ABHD6: variants seen among roughly 807,000 people sequenced by gnomAD.
The protein encoded by ABHD6 is monoacylglycerol lipase ABHD6.
In ABHD6, 33 loss-of-function variants were observed where a neutral mutation model predicts 38.8. The observed-to-expected ratio is 0.85, with a 90% CI of 0.64 to 1.14. The LOEUF (loss-of-function observed/expected upper bound fraction) is 1.14, where lower values mean the gene tolerates loss of function less well. Ranked by LOEUF, ABHD6 falls within the 50% of genes most tolerant of loss-of-function variation. The probability of loss-of-function intolerance (pLI) is 0.00; values close to 1 mark genes in which losing one functional copy is unlikely to be tolerated. For missense variants in ABHD6, 380 were observed against 422.6 expected, an observed-to-expected ratio of 0.90 and a Z score of 0.88; for synonymous variants, 147 against 161.6, an observed-to-expected ratio of 0.91 and a Z score of 0.69.
At chr3:58,286,177 G>A (rs1378379675) in intron 9 of ABHD6, among the ~76,000 whole-genome samples, 1 of 152,048 alleles carries the variant, frequency 6.6e-6, no homozygotes, top group African/African-American at 2.4e-5. Flanking sequence ...CCGCCACCAT[G>A]CCCAGCTAAT....
chr3:58,244,100 G>C (rs1290999231), intron 1 of ABHD6, among the ~76,000 whole-genome samples: 1 of 152,160 alleles, frequency 6.6e-6, no homozygotes, highest in Non-Finnish European at 1.5e-5. Flanking sequence ...TTGGCTCTGC[G>C]TCTCTGCCTG....
At position 58,279,167 on chromosome 3, in the gene ABHD6, T is replaced by C. The variant is rs2097451030; in HGVS notation, c.681+4352T>C. 5.9e-5 allele frequency among the ~76,000 whole-genome samples: 9 copies of C among 152,338 alleles called. No homozygotes were observed. In the South Asian group the frequency reaches 1.9e-3, roughly 32 times the overall value. The stretch of plus-strand genomic sequence containing the variant: ...GTCCTGGATATCCTTGTTAACCTTC[T>C]GTCTCATTGATCTGTCTAGTATTGA... On this transcript the variant is annotated intron_variant, in intron 7 of 9. Coordinates refer to ENST00000478253, the MANE Select transcript of ABHD6 (RefSeq NM_001320126.2).
chr3:58,256,819 G>C lies in ABHD6; in HGVS notation c.119+114G>C, dbSNP rs959135826. 3 of 893,634 alleles carry C rather than the reference G, an allele frequency of 3.4e-6. No homozygotes were observed. The highest frequency in any genetic ancestry group is 3.2e-5 in the South Asian group (2 of 63,084). 55.4% of individuals were successfully genotyped at this position (893,634 alleles called of 1,614,324 possible). On this transcript the variant is annotated intron_variant, in intron 3 of 9. Coordinates refer to ENST00000478253, the MANE Select transcript of ABHD6 (RefSeq NM_001320126.2). This position sits in a 1 kb window ranked among gnomAD's most constrained non-coding sequence, Gnocchi z 4.3. ...TTTATCAGGAAGTATTTCAGACAGA[G>C]AGAAAAGTTGAAAGGTACTCATCCT...
Position 58,257,741 on chromosome 3 carries a change from C to T in ABHD6, c.119+1036C>T, listed in dbSNP as rs116446686. Among the ~76,000 whole-genome samples, 1 of 152,050 alleles carries T rather than the reference C, an allele frequency of 6.6e-6. No individual in the cohort carries two copies. Among genetic ancestry groups the T allele is most frequent in the Non-Finnish European group, 1.5e-5 (1 of 68,016 alleles). ...GAAAAATGAACAAGAAAGACCAGAA[C>T]CATTGAGATGGCATGTTTAGGACAG... is the stretch of plus-strand genomic sequence containing the variant. On this transcript the variant is annotated intron_variant, in intron 3 of 9. Transcript: ENST00000478253. This position sits in a 1 kb window ranked among gnomAD's most constrained non-coding sequence, Gnocchi z 4.8.
In ABHD6 at chr3:58,287,694, C is replaced by G. The variant is rs2097458532; in HGVS notation, c.837+2241C>G. Among the ~76,000 whole-genome samples the G allele has an allele frequency of 6.6e-6, 1 of 152,200 alleles. No individual in the cohort carries two copies. ...AAAACCCCAAAGGTGATTTGGGGCTCTCAGGAGCCAACAGGGAGAGGCTGT... is the reference window on the plus strand; with the variant it reads ...AAAACCCCAAAGGTGATTTGGGGCTGTCAGGAGCCAACAGGGAGAGGCTGT... On this transcript the variant is annotated intron_variant, in intron 9 of 9. Transcript: ENST00000478253. This position sits in a 1 kb window ranked among gnomAD's most constrained non-coding sequence, Gnocchi z 4.7.
rs983711143 is a variant in ABHD6, at chr3:58,259,596, G to A, written c.119+2891G>A. Among the ~76,000 whole-genome samples the A allele has an allele frequency of 2.6e-5, 4 of 152,122 alleles. No homozygotes were observed. Among genetic ancestry groups the A allele is most frequent in the Non-Finnish European group, 5.9e-5 (4 of 68,024 alleles). ...CCTGGGAGGCTGAGGCAGAAGAATC[G>A]CTTGAACCCAGGAAGCGGAGGTTGC... On this transcript the variant is annotated intron_variant, in intron 3 of 9. Transcript: ENST00000478253. The surrounding 1 kb of genome is among the most constrained non-coding windows in gnomAD (Gnocchi z 4.7).
At position 58,279,688 on chromosome 3, in the gene ABHD6, T is replaced by C. The variant is rs146940555; in HGVS notation, c.681+4873T>C. Among the ~76,000 whole-genome samples the C allele has an allele frequency of 4.5e-4, 68 of 152,342 alleles. No homozygotes were observed. In the East Asian group the frequency reaches 0.013, roughly 28 times the overall value. On this transcript the variant is annotated intron_variant, in intron 7 of 9. Coordinates refer to ENST00000478253, the MANE Select transcript of ABHD6 (RefSeq NM_001320126.2). ...TGATGCAGTTTCTTCATAGTGTCAATGATCTTTACAATTTGGCATGTTTTT... is the reference window on the plus strand; with the variant it reads ...TGATGCAGTTTCTTCATAGTGTCAACGATCTTTACAATTTGGCATGTTTTT...
At chr3:58,282,568 C>CA (rs1306504891) in intron 7 of ABHD6, among the ~76,000 whole-genome samples, 19 of 151,570 alleles carry the variant, frequency 1.3e-4, no homozygotes, top group Middle Eastern at 3.4e-3. Flanking sequence ...CCCATCTCTA[C>CA]AAAAAAAAAT....
At chr3:58,268,804 G>C (rs2097442777) in intron 4 of ABHD6, among the ~76,000 whole-genome samples, 1 of 152,176 alleles carries the variant, frequency 6.6e-6, no homozygotes, top group African/African-American at 2.4e-5. Flanking sequence ...AGGTGTTTTA[G>C]GATAATAATA....
chr3:58,273,613 C>T lies in ABHD6; in HGVS notation c.524-1045C>T, dbSNP rs1249167004. On this transcript the variant is annotated intron_variant, in intron 6 of 9. Transcript: ENST00000478253. The surrounding 1 kb of genome is among the most constrained non-coding windows in gnomAD (Gnocchi z 4.8). ...AGCTGGAAGCATCATTCTCAGCAAA[C>T]TAACACAGGAACAGAAAACCAAACA... is the stretch of plus-strand genomic sequence containing the variant. 6.6e-6 allele frequency among the ~76,000 whole-genome samples: 1 copy of T among 152,134 alleles called. No individual in the cohort carries two copies. The highest frequency in any genetic ancestry group is 2.4e-5 in the African/African-American group (1 of 41,430).
chr3:58,270,834 A>G, intron 5 of ABHD6, 98 bp from the exon 6 acceptor site: 2 of 1,339,458 alleles, frequency 1.5e-6, no homozygotes, highest in Non-Finnish European at 1.0e-6. Flanking sequence ...AGTCATTTTC[A>G]GTTGTCCATA....
rs202058942 is a variant in ABHD6, at chr3:58,267,155, A to T, written c.120-34A>T. The T allele has an allele frequency of 4.1e-4, 664 of 1,610,278 alleles. 3 individuals are homozygous for T. Among genetic ancestry groups the T allele is most frequent in the Middle Eastern group, 3.8e-3 (22 of 5,744 alleles). ...GAAGCCACTCATCTAGAGCTTACTG[A>T]TTTCGTTTTGTCTTTATTTCTCACC... On this transcript the variant is annotated intron_variant, in intron 3 of 9. Transcript: ENST00000478253. This position sits in a 1 kb window ranked among gnomAD's most constrained non-coding sequence, Gnocchi z 4.3.
chr3:58,241,132 T>C (rs533601841), intron 1 of ABHD6, among the ~76,000 whole-genome samples: 52 of 152,316 alleles, frequency 3.4e-4, no homozygotes, highest in African/African-American at 9.4e-4. Context: ...CGTCCTACGA[T>C]GCACAGGACG....
intron 7 of ABHD6, among the ~76,000 whole-genome samples, chr3:58,282,313 G>A (rs1415547741): frequency 6.6e-6 from 1 of 152,182 alleles, no homozygotes; most frequent in African/African-American, 2.4e-5. Context: ...GTGCCTTGGA[G>A]ATGATGGTGG....
In ABHD6 at chr3:58,259,560, A is replaced by G. The variant is rs1464293776; in HGVS notation, c.119+2855A>G. Among the ~76,000 whole-genome samples, 1 of 152,164 alleles carries G rather than the reference A, an allele frequency of 6.6e-6. No homozygotes were observed. The highest frequency in any genetic ancestry group is 1.5e-5 in the Non-Finnish European group (1 of 68,028). On this transcript the variant is annotated intron_variant, in intron 3 of 9. Coordinates refer to ENST00000478253, the MANE Select transcript of ABHD6 (RefSeq NM_001320126.2). This position sits in a 1 kb window ranked among gnomAD's most constrained non-coding sequence, Gnocchi z 4.7. ...GCCAGGCATGGTGGTACGTGCCTGTAATTCCAGCTACCTGGGAGGCTGAGG... is the reference window on the plus strand; with the variant it reads ...GCCAGGCATGGTGGTACGTGCCTGTGATTCCAGCTACCTGGGAGGCTGAGG...
At position 58,253,974 on chromosome 3, in the gene ABHD6, C is replaced by CA. The variant is rs2097431596; in HGVS notation, c.-25-2584dup. Among the ~76,000 whole-genome samples, 2 of 152,072 alleles carry CA rather than the reference C, an allele frequency of 1.3e-5. 1 individual carries two copies. Among genetic ancestry groups the CA allele is most frequent in the South Asian group, 4.2e-4 (2 of 4,818 alleles). On this transcript the variant is annotated intron_variant, in intron 2 of 9. Transcript: ENST00000478253. ...TCCAGGCTGTGAGGTGCTTGCTAGG[C>CA]AAAACCTCTTGAAGATGGAGAGCTC...
In ABHD6 at chr3:58,285,447, A is replaced by C. The variant is rs567577252; in HGVS notation, c.831A>C (p.Gln277His). Reference sequence around the variant, plus strand: ...CGACGCAGATCATCTGGGGGAAACAAGACCAGGTATGTAACACATCCCCGC... The same window carrying C: ...CGACGCAGATCATCTGGGGGAAACACGACCAGGTATGTAACACATCCCCGC... ...KVPTQIIWGKQDQVLDVSGAD... is the reference protein window; with the variant it reads ...KVPTQIIWGKHDQVLDVSGAD... Residue 277 changes from glutamine to histidine, a missense_variant, in exon 9 of 10, where the codon CAA becomes CAC. Gln to His is a conservative substitution (Grantham distance 24). Coordinates refer to ENST00000478253, the MANE Select transcript of ABHD6 (RefSeq NM_001320126.2). This position sits in a 1 kb window ranked among gnomAD's most constrained non-coding sequence, Gnocchi z 4.9. The C allele has an allele frequency of 1.9e-6, 3 of 1,613,890 alleles. No homozygotes were observed. In the Admixed American group the frequency reaches 5.0e-5, roughly 27 times the overall value.
chr3:58,286,876 G>GTGTATATATATA (rs1559784545), intron 9 of ABHD6, among the ~76,000 whole-genome samples: 11 of 42,082 alleles, frequency 2.6e-4, no homozygotes, highest in South Asian at 1.1e-3. Flanking sequence ...ATATGTATAT[G>GTGTATATATATA]TATATATAAG....
intron 9 of ABHD6, among the ~76,000 whole-genome samples, chr3:58,292,582 GC>G (rs2097464023): frequency 6.6e-6 from 1 of 152,108 alleles, no homozygotes. Flanking sequence ...AGAGGTTAGA[GC>G]CAAGAAACAC....
Sources: gnomAD v4.1 joint callset for allele counts (sites outside exome capture counted in the v4.1 genomes callset) on GRCh38, gnomAD v4.1.1 for gene constraint, Gnocchi (gnomAD v3.1) non-coding constraint, MANE v1.5 for transcripts, NCBI Gene and HGNC (gene_info 2026-07-23, HGNC 2026-07-21) for gene names.